MYO6: variants seen among roughly 807,000 people sequenced by gnomAD.
MYO6 encodes unconventional myosin-VI.
A neutral mutation model predicts 178.7 loss-of-function variants in MYO6; 74 were observed. The observed-to-expected ratio is 0.41, with a 90% CI of 0.34 to 0.50. The LOEUF (loss-of-function observed/expected upper bound fraction) is 0.50. Among genes scored for constraint, MYO6 ranks in the 20% least tolerant of loss-of-function variants. The pLI, the probability that MYO6 is intolerant of heterozygous loss-of-function variation, is 0.09. For synonymous variants in MYO6, 477 were observed against 504.6 expected (o/e 0.95, Z 0.73); for missense variants, 1,330 against 1,547.4 (o/e 0.86, Z 2.36).
At chr6:75,907,547 A>G in intron 30 of MYO6, 58 bp from the exon 31 acceptor site, 1 of 1,331,314 alleles carries the variant, frequency 7.5e-7, no homozygotes, top group Non-Finnish European at 1.1e-6. Context: ...TTGCCTCTTT[A>G]GTCAATGTTT....
At chr6:75,890,650 T>A (rs1332503587) in intron 26 of MYO6, among the ~76,000 whole-genome samples, 7 of 152,134 alleles carry the variant, frequency 4.6e-5, no homozygotes. Context: ...CGGTTGACAA[T>A]TCTTAAAACT....
At position 75,832,889 on chromosome 6, in the gene MYO6, A is replaced by G. The variant is rs748011960; in HGVS notation, c.439A>G (p.Ile147Val). The change falls in exon 6 of 35, where the codon ATC (isoleucine) becomes GTC (valine). Residue 147 changes from isoleucine (I) to valine (V), a missense_variant. Physicochemically the swap from Ile to Val is conservative, Grantham distance 29. Around this residue, in one of 3 missense-constraint regions of MYO6, gnomAD observed 613 missense variants for 816.8 expected, o/e 0.75. Transcript: ENST00000369977. ...DMKVLKMSQS[I>V]IVSGESGAGK... is the part of the protein sequence containing the mutation. ...GAAGGTGCTCAAGATGAGTCAGTCT[A>G]TCATTGTATCTGGAGAATCAGGAGC... 8 of 1,614,164 alleles carry G rather than the reference A, an allele frequency of 5.0e-6. 1 individual carries two copies. In the South Asian group the frequency reaches 7.7e-5, roughly 16 times the overall value.
At chr6:75,880,733 G>A (rs1344585845) in intron 22 of MYO6, among the ~76,000 whole-genome samples, 3 of 152,022 alleles carry the variant, frequency 2.0e-5, no homozygotes, top group Non-Finnish European at 4.4e-5. Flanking sequence ...CTTTTCTCTC[G>A]TTATGTTACC....
At chr6:75,818,494 A>G (rs185532649) in intron 2 of MYO6, among the ~76,000 whole-genome samples, 1 of 152,292 alleles carries the variant, frequency 6.6e-6, no homozygotes, top group East Asian at 1.9e-4. Context: ...GATGTCCACA[A>G]TTTTTAGTTT....
At chr6:75,844,817 A>AT in intron 9 of MYO6, 80 bp from the exon 10 acceptor site, 1 of 1,129,500 alleles carries the variant, frequency 8.9e-7, no homozygotes. Context: ...GGTTGGCACT[A>AT]TTTGGTAAGT....
chr6:75,847,631 G>A (rs1035493920), intron 10 of MYO6, among the ~76,000 whole-genome samples: 1 of 151,826 alleles, frequency 6.6e-6, no homozygotes, highest in Non-Finnish European at 1.5e-5. Context: ...TTAAGTCATT[G>A]TGTAAATTAT....
At chr6:75,768,793 G>T (rs2150013079) in intron 1 of MYO6, among the ~76,000 whole-genome samples, 1 of 152,294 alleles carries the variant, frequency 6.6e-6, no homozygotes, top group Non-Finnish European at 1.5e-5. Flanking sequence ...TTGCCATAGA[G>T]AATGTATTAG....
At chr6:75,756,718 T>C (rs1384532292) in intron 1 of MYO6, among the ~76,000 whole-genome samples, 1 of 152,108 alleles carries the variant, frequency 6.6e-6, no homozygotes, top group Non-Finnish European at 1.5e-5. Context: ...GCTCAATCAC[T>C]GTGTCACCTC....
At chr6:75,897,679 ATAAGT>A (rs572859757) in intron 29 of MYO6, among the ~76,000 whole-genome samples, 7 of 152,372 alleles carry the variant, frequency 4.6e-5, no homozygotes, top group East Asian at 3.9e-4. Context: ...AAATAGGGAA[ATAAGT>A]TAAAGAAGTG....
At chr6:75,864,636 G>A (rs1776495786) in intron 16 of MYO6, among the ~76,000 whole-genome samples, 1 of 152,160 alleles carries the variant, frequency 6.6e-6, no homozygotes, top group Admixed American at 6.5e-5. Context: ...CTAATTGCTA[G>A]TCAACAGAAT....
At chr6:75,821,434 G>C in intron 2 of MYO6, among the ~76,000 whole-genome samples, 1 of 152,088 alleles carries the variant, frequency 6.6e-6, no homozygotes, top group East Asian at 1.9e-4. Flanking sequence ...TAATGCACAT[G>C]ATGGGTTAAT....
At chr6:75,886,124 T>A in intron 24 of MYO6, 30 bp downstream of exon 24, 1 of 1,422,998 alleles carries the variant, frequency 7.0e-7, no homozygotes, top group Non-Finnish European at 9.9e-7. Flanking sequence ...AAAAGAACTC[T>A]ACAAAACCTA....
chr6:75,886,786 A>C, intron 24 of MYO6, 58 bp from the exon 25 acceptor site: 4 of 1,535,786 alleles, frequency 2.6e-6, no homozygotes, highest in Non-Finnish European at 3.6e-6. Flanking sequence ...ATAAATGAAA[A>C]ATCTGCCAAA....
intron 1 of MYO6, among the ~76,000 whole-genome samples, chr6:75,809,192 A>G (rs1770419996): frequency 6.6e-6 from 1 of 152,200 alleles, no homozygotes. Flanking sequence ...ATAAAATGGG[A>G]GGCAGGCCTG....
intron 1 of MYO6, among the ~76,000 whole-genome samples, chr6:75,811,120 T>G: frequency 6.6e-6 from 1 of 151,722 alleles, no homozygotes; most frequent in East Asian, 2.0e-4. Flanking sequence ...GTGGTGGGGA[T>G]TGGGGTAGGG....
rs987904646 is a variant in MYO6 at position 75,790,071 on chromosome 6, T to C, written c.-47-27430T>C. On this transcript the variant is annotated intron_variant, in intron 1 of 34. Transcript: ENST00000369977. The stretch of plus-strand genomic sequence containing the variant: ...TGTTCCTGCAAATGACAGGATTTCA[T>C]TCTTTTTTGTGGCGGAATACTATTT... Among the ~76,000 whole-genome samples, 11 of 152,236 alleles carry C rather than the reference T, an allele frequency of 7.2e-5. 1 individual carries two copies. Among genetic ancestry groups the C allele is most frequent in the Admixed American group, 1.3e-4 (2 of 15,280 alleles).
intron 13 of MYO6, among the ~76,000 whole-genome samples, chr6:75,858,578 C>T (rs1775923629): frequency 1.3e-5 from 2 of 152,118 alleles, no homozygotes; most frequent in African/African-American, 4.8e-5. Flanking sequence ...GCACTCCAGC[C>T]TGTGTGACAG....
At chr6:75,892,472 G>A (rs1483515929) in intron 27 of MYO6, 58 bp from the exon 28 acceptor site, 2 of 1,606,864 alleles carry the variant, frequency 1.2e-6, no homozygotes, top group Non-Finnish European at 1.7e-6. Context: ...GTAATAAGGG[G>A]AGTGATCAAG....
intron 1 of MYO6, among the ~76,000 whole-genome samples, chr6:75,808,223 G>GT (rs1770298092): frequency 6.6e-6 from 1 of 152,158 alleles, no homozygotes; most frequent in African/African-American, 2.4e-5. Context: ...CAGAAATTTA[G>GT]TTTTTTCACA....
Sources: allele counts gnomAD v4.1 joint callset (sites outside exome capture counted in the v4.1 genomes callset), GRCh38; gene constraint gnomAD v4.1.1; regional missense constraint gnomAD v4.1.1; transcripts MANE v1.5; gene names NCBI Gene and HGNC (gene_info 2026-07-23, HGNC 2026-07-21).